MTAP: variants seen among roughly 807,000 people sequenced by gnomAD.
The protein encoded by MTAP is S-methyl-5'-thioadenosine phosphorylase.
A neutral mutation model predicts 33.6 loss-of-function variants in MTAP; 33 were observed. The ratio of observed to expected loss-of-function variants is 0.98; its 90% CI spans 0.74 to 1.31. The LOEUF (loss-of-function observed/expected upper bound fraction) is 1.31. Ranked by LOEUF, MTAP falls within the 40% of genes most tolerant of loss-of-function variation. The pLI is 0.00. For missense variants in MTAP, 367 were observed against 360.0 expected (o/e 1.02, Z -0.16); for synonymous variants, 148 against 125.7 (o/e 1.18, Z -1.19).
At chr9:21,836,214 T>C (rs562453187) in intron 4 of MTAP, among the ~76,000 whole-genome samples, 17 of 152,310 alleles carry the variant, frequency 1.1e-4, no homozygotes, top group East Asian at 3.9e-4. Flanking sequence ...CAAAAAGATA[T>C]GGCAATTTGG....
intron 1 of MTAP, among the ~76,000 whole-genome samples, chr9:21,804,854 C>G (rs1291237830): frequency 6.6e-6 from 1 of 152,184 alleles, no homozygotes; most frequent in Non-Finnish European, 1.5e-5. Flanking sequence ...AGAATTGGGC[C>G]TAGAGCCTGG....
intron 1 of MTAP, among the ~76,000 whole-genome samples, chr9:21,885,019 G>C (rs957845862): frequency 6.6e-6 from 1 of 152,088 alleles, no homozygotes; most frequent in Non-Finnish European, 1.5e-5. Flanking sequence ...ATGGTGGGAA[G>C]GGCTTTCAGG....
At chr9:21,855,191 TTTG>T (rs897550941) in intron 6 of MTAP, among the ~76,000 whole-genome samples, 4 of 152,208 alleles carry the variant, frequency 2.6e-5, no homozygotes, top group Non-Finnish European at 4.4e-5. Flanking sequence ...GCTACTGTTT[TTTG>T]TTTTCAAGAA....
At chr9:21,892,287 T>A (rs1687747860) in intron 1 of MTAP, 1 of 152,174 alleles carries the variant, frequency 6.6e-6, no homozygotes, top group African/African-American at 2.4e-5. Context: ...ACCTTGAGTA[T>A]AAATGGGTTA....
At chr9:21,898,063 G>A (rs566587579) in intron 1 of MTAP, among the ~76,000 whole-genome samples, 8 of 152,130 alleles carry the variant, frequency 5.3e-5, no homozygotes, top group South Asian at 2.1e-4. Flanking sequence ...AATAGAGCCC[G>A]TGGAAATAAT....
intron 1 of MTAP, among the ~76,000 whole-genome samples, chr9:21,806,031 C>A (rs183666572): frequency 2.6e-5 from 4 of 152,222 alleles, no homozygotes; most frequent in Admixed American, 2.6e-4. Context: ...GCTCATAAGG[C>A]CATCCTTGTA....
chr9:21,812,850 A>G (rs1441077930), intron 1 of MTAP, among the ~76,000 whole-genome samples: 1 of 152,224 alleles, frequency 6.6e-6, no homozygotes, highest in Non-Finnish European at 1.5e-5. Context: ...TGAAAGACCT[A>G]GATTTGTATC....
At chr9:21,852,003 C>A (rs1299688453) in intron 5 of MTAP, among the ~76,000 whole-genome samples, 1 of 152,004 alleles carries the variant, frequency 6.6e-6, no homozygotes, top group Admixed American at 6.6e-5. Context: ...AATAAACTCC[C>A]CTTTATTAGT....
chr9:21,862,186 A>C lies in MTAP; in HGVS notation c.*172A>C. 3 of 1,368,178 alleles carry C rather than the reference A, an allele frequency of 2.2e-6. No individual in the cohort carries two copies. The highest frequency in any genetic ancestry group is 2.8e-6 in the Non-Finnish European group (3 of 1,058,370). 84.8% of individuals were successfully genotyped at this position (1,368,178 alleles called of 1,614,324 possible). A position where few individuals can be genotyped will look rare whatever the true frequency, so the allele number is the denominator to read the frequency against. ...TGTGTGTATTAGAGACTCCTGAATGATTTAGACAACTTCAAAATACAGAAG... is the reference window on the plus strand; with the variant it reads ...TGTGTGTATTAGAGACTCCTGAATGCTTTAGACAACTTCAAAATACAGAAG... On this transcript the variant is annotated 3_prime_UTR_variant, in exon 8 of 8. Transcript: ENST00000644715.
In MTAP at chr9:21,919,738, G is replaced by T. The variant is rs1304055809; in HGVS notation, c.148-11270G>T. Among the ~76,000 whole-genome samples, 3 of 152,290 alleles carry T rather than the reference G, an allele frequency of 2.0e-5. No homozygotes were observed. The East Asian group carries it at 5.8e-4, about 29-fold the overall frequency. On this transcript the variant is annotated intron_variant, in intron 1 of 1. Transcript: ENST00000577563. ...ATAGAATCATAGCTTAGAGGTCAAG[G>T]TGGAGTAATAAAGTGGTGGTGGTCA...
intron 1 of MTAP, among the ~76,000 whole-genome samples, chr9:21,877,467 C>G (rs1219144945): frequency 6.6e-6 from 1 of 152,066 alleles, no homozygotes; most frequent in Non-Finnish European, 1.5e-5. Flanking sequence ...CAGCTATTCC[C>G]CATCCGGTAT....
At chr9:21,852,672 C>G (rs73429399) in intron 5 of MTAP, among the ~76,000 whole-genome samples, 70 of 145,096 alleles carry the variant, frequency 4.8e-4, no homozygotes, top group African/African-American at 1.8e-3. Flanking sequence ...ATATACATCA[C>G]AATAAACCAC....
intron 1 of MTAP, among the ~76,000 whole-genome samples, chr9:21,805,890 G>A (rs944752683): frequency 1.3e-5 from 2 of 152,160 alleles, no homozygotes; most frequent in African/African-American, 4.8e-5. Flanking sequence ...TAGGGATAAA[G>A]GGTAAAGATC....
chr9:21,826,235 T>C (rs1029940939), intron 4 of MTAP, among the ~76,000 whole-genome samples: 2 of 151,830 alleles, frequency 1.3e-5, no homozygotes, highest in Non-Finnish European at 2.9e-5. Flanking sequence ...TTCCTTAGTA[T>C]TAGATATCTA....
intron 1 of MTAP, among the ~76,000 whole-genome samples, chr9:21,920,601 T>A (rs1315446627): frequency 6.6e-6 from 1 of 152,204 alleles, no homozygotes; most frequent in Non-Finnish European, 1.5e-5. Context: ...CGAAAGGGGC[T>A]ATTGGGAAAC....
chr9:21,904,376 C>T (rs1160051393), intron 1 of MTAP, among the ~76,000 whole-genome samples: 1 of 152,186 alleles, frequency 6.6e-6, no homozygotes, highest in African/African-American at 2.4e-5. Context: ...TGGGGTGGAG[C>T]CCTAGCCAGG....
At chr9:21,829,111 A>G (rs1824897938) in intron 4 of MTAP, among the ~76,000 whole-genome samples, 2 of 152,320 alleles carry the variant, frequency 1.3e-5, no homozygotes, top group East Asian at 3.9e-4. Flanking sequence ...ATCTTGGTGT[A>G]TTGAGACGGG....
chr9:21,844,967 C>T (rs1227704770), intron 5 of MTAP, among the ~76,000 whole-genome samples: 1 of 149,942 alleles, frequency 6.7e-6, no homozygotes, highest in Non-Finnish European at 1.5e-5. Flanking sequence ...GGAGGTGGAG[C>T]TTGCAGTGAG....
chr9:21,832,155 C>T (rs1298182912), intron 4 of MTAP, among the ~76,000 whole-genome samples: 3 of 152,200 alleles, frequency 2.0e-5, no homozygotes, highest in Non-Finnish European at 1.5e-5. Context: ...GCTTTTGTCA[C>T]GCATTCTTAC....
Sources: allele counts gnomAD v4.1 joint callset (sites outside exome capture counted in the v4.1 genomes callset), GRCh38; gene constraint gnomAD v4.1.1; transcripts MANE v1.5; gene names NCBI Gene and HGNC (gene_info 2026-07-23, HGNC 2026-07-21).